Variants in PTPN11 observed in about 807,000 individuals in gnomAD.
The protein encoded by PTPN11 is protein tyrosine phosphatase non-receptor type 11, also known as tyrosine-protein phosphatase non-receptor type 11.
In PTPN11, 6 loss-of-function variants were observed where a neutral mutation model predicts 78.8. The ratio of observed to expected loss-of-function variants is 0.08; its 90% CI spans 0.04 to 0.15. PTPN11 has a LOEUF of 0.15. Ranked by LOEUF, PTPN11 falls within the 10% of genes least tolerant of loss-of-function variation. PTPN11 has a pLI of 1.00. For missense variants in PTPN11, 386 were observed against 744.8 expected, an observed-to-expected ratio of 0.52 and a Z score of 5.61; for synonymous variants, 221 against 263.5, an observed-to-expected ratio of 0.84 and a Z score of 1.56.
intron 2 of PTPN11, among the ~76,000 whole-genome samples, chr12:112,448,386 TG>T: frequency 6.6e-6 from 1 of 152,042 alleles, no homozygotes; most frequent in South Asian, 2.1e-4. Context: ...CCAGCTAATT[TG>T]TGTATTTTTA....
intron 13 of PTPN11, 136 bp downstream of exon 13, chr12:112,489,311 A>C: frequency 3.9e-6 from 4 of 1,034,108 alleles, no homozygotes; most frequent in South Asian, 1.3e-5. Context: ...TCCCAACTAA[A>C]AGGGCCTCTG....
intron 6 of PTPN11, among the ~76,000 whole-genome samples, chr12:112,458,170 A>C (rs546657561): frequency 6.6e-6 from 1 of 152,334 alleles, no homozygotes; most frequent in South Asian, 2.1e-4. Flanking sequence ...GAGGTTAAGT[A>C]AATTATTCAA....
intron 13 of PTPN11, among the ~76,000 whole-genome samples, chr12:112,494,123 G>A (rs1162637415): frequency 1.6e-4 from 24 of 152,158 alleles, no homozygotes; most frequent in Non-Finnish European, 3.5e-4. Context: ...ATGTGGTGGC[G>A]CACACCTGTG....
intron 2 of PTPN11, among the ~76,000 whole-genome samples, chr12:112,449,094 C>T (rs969188910): frequency 2.9e-4 from 43 of 149,812 alleles, no homozygotes; most frequent in Non-Finnish European, 5.2e-4. Context: ...ACCATGTTGG[C>T]CAGGCTGGTA....
rs1464978204 is a variant in PTPN11 at position 112,507,297 on chromosome 12, T to G, written c.*1505T>G. The G allele has an allele frequency of 6.6e-6, 1 of 152,644 alleles. No individual in the cohort carries two copies. The highest frequency in any genetic ancestry group is 1.5e-5 in the Non-Finnish European group (1 of 68,270). 9.5% of individuals were successfully genotyped at this position (152,644 alleles called of 1,614,324 possible). A position where few individuals can be genotyped will look rare whatever the true frequency, so the allele number is the denominator to read the frequency against. On this transcript the variant is annotated 3_prime_UTR_variant, in exon 16 of 16. Transcript: ENST00000351677. ...ATGATTTCTGCTAGCCCTGAGCCTATTTTTGGAACCAGCACTTGGGGAAAC... is the reference window on the plus strand; with the variant it reads ...ATGATTTCTGCTAGCCCTGAGCCTAGTTTTGGAACCAGCACTTGGGGAAAC...
At chr12:112,479,410 T>G (rs2135903703) in intron 9 of PTPN11, among the ~76,000 whole-genome samples, 1 of 152,258 alleles carries the variant, frequency 6.6e-6, no homozygotes, top group East Asian at 1.9e-4. Flanking sequence ...AACTTTGGAG[T>G]TGAGCCTTCC....
chr12:112,504,624 T>C lies in PTPN11; in HGVS notation c.1713-71T>C. On this transcript the variant is annotated intron_variant, in intron 14 of 15. Transcript: ENST00000351677. The surrounding 1 kb of genome is among the most constrained non-coding windows in gnomAD (Gnocchi z 4.7). ...CCCAAAGAATGTAGTATGTGTTTTA[T>C]AGATATCATGTAAGCTTAAACAGCG... 8.7e-7 allele frequency: 1 copy of C among 1,143,088 alleles called. No homozygotes were observed. The highest frequency in any genetic ancestry group is 1.3e-6 in the Non-Finnish European group (1 of 771,072). The allele number at this position is 1,143,088 out of a possible 1,614,324, so 70.8% of individuals were successfully genotyped here. A position where few individuals can be genotyped will look rare whatever the true frequency, so the allele number is the denominator to read the frequency against.
intron 9 of PTPN11, among the ~76,000 whole-genome samples, chr12:112,479,992 C>T (rs1263200475): frequency 6.6e-6 from 1 of 152,182 alleles, no homozygotes; most frequent in Non-Finnish European, 1.5e-5. Flanking sequence ...AGAAGACAAG[C>T]CAGACTGTGG....
At chr12:112,443,979 T>C (rs750930468) in intron 1 of PTPN11, among the ~76,000 whole-genome samples, 14 of 151,530 alleles carry the variant, frequency 9.2e-5, no homozygotes, top group Non-Finnish European at 1.8e-4. Context: ...TTTGTAGAGA[T>C]GGGGTTTCAC....
intron 6 of PTPN11, among the ~76,000 whole-genome samples, chr12:112,459,562 G>A (rs1484653281): frequency 6.6e-6 from 1 of 151,914 alleles, no homozygotes; most frequent in Non-Finnish European, 1.5e-5. Flanking sequence ...CGCCTCCTGG[G>A]TTCAAGTGAT....
chr12:112,466,434 C>T (rs2038326564), intron 6 of PTPN11, among the ~76,000 whole-genome samples: 1 of 152,218 alleles, frequency 6.6e-6, no homozygotes, highest in South Asian at 2.1e-4. Flanking sequence ...TGCAGTGGCT[C>T]ATGCCTACAA....
intron 13 of PTPN11, among the ~76,000 whole-genome samples, chr12:112,495,662 TATC>T (rs2038805134): frequency 6.6e-6 from 1 of 152,130 alleles, no homozygotes; most frequent in Non-Finnish European, 1.5e-5. Flanking sequence ...AAATTGAAAA[TATC>T]ATAAGTCAAA....
intron 1 of PTPN11, among the ~76,000 whole-genome samples, chr12:112,430,202 G>T (rs760178590): frequency 6.6e-6 from 1 of 151,808 alleles, no homozygotes; most frequent in Non-Finnish European, 1.5e-5. Flanking sequence ...TGCATTTTTA[G>T]TAGAGATGGG....
intron 13 of PTPN11, among the ~76,000 whole-genome samples, chr12:112,497,452 A>T (rs2038827504): frequency 6.6e-6 from 1 of 152,206 alleles, no homozygotes. Flanking sequence ...TGCCTCATGG[A>T]ACTGAAGTTT....
At chr12:112,437,609 T>C (rs2135843778) in intron 1 of PTPN11, among the ~76,000 whole-genome samples, 1 of 152,356 alleles carries the variant, frequency 6.6e-6, no homozygotes, top group Admixed American at 6.5e-5. Context: ...CTGTTGTTTT[T>C]CTTGTGCCAT....
At chr12:112,489,960 G>C (rs542884802) in intron 13 of PTPN11, among the ~76,000 whole-genome samples, 1 of 152,146 alleles carries the variant, frequency 6.6e-6, no homozygotes, top group Non-Finnish European at 1.5e-5. Context: ...CAGCAGCCAC[G>C]TTATCAAAGT....
At chr12:112,486,832 C>G in intron 11 of PTPN11, 3 of 1,441,556 alleles carry the variant, frequency 2.1e-6, no homozygotes, top group Non-Finnish European at 2.7e-6. Context: ...TTGGCCATGG[C>G]CATGGCAACA....
chr12:112,420,803 G>A (rs2037512720), intron 1 of PTPN11, among the ~76,000 whole-genome samples: 1 of 152,106 alleles, frequency 6.6e-6, no homozygotes, highest in South Asian at 2.1e-4. Context: ...TACAGATCTG[G>A]GTAATATATA....
chr12:112,429,017 G>A (rs1338540594), intron 1 of PTPN11, among the ~76,000 whole-genome samples: 1 of 152,182 alleles, frequency 6.6e-6, no homozygotes, highest in African/African-American at 2.4e-5. Flanking sequence ...AAAGTGCTGG[G>A]ATTACAGGCG....
Sources: gnomAD v4.1 joint callset for allele counts (sites outside exome capture counted in the v4.1 genomes callset) on GRCh38, gnomAD v4.1.1 for gene constraint, Gnocchi (gnomAD v3.1) non-coding constraint, MANE v1.5 for transcripts, NCBI Gene and HGNC (gene_info 2026-07-23, HGNC 2026-07-21) for gene names.